MRAP2: variants seen among roughly 807,000 people sequenced by gnomAD.
MRAP2 encodes melanocortin-2 receptor accessory protein 2.
MRAP2 carries 20 observed loss-of-function variants against 17.4 expected under a neutral mutation model. That is an observed-to-expected ratio of 1.15 (90% CI 0.81 to 1.67). The LOEUF (loss-of-function observed/expected upper bound fraction) is 1.67, where lower values mean the gene tolerates loss of function less well. MRAP2 is among the 40% of genes most tolerant of loss of function. The pLI, the probability that MRAP2 is intolerant of heterozygous loss-of-function variation, is 0.00. For synonymous variants in MRAP2, 96 were observed against 88.4 expected (o/e 1.09, Z -0.48); for missense variants, 238 against 240.0 (o/e 0.99, Z 0.05).
the MRAP2 span, among the ~76,000 whole-genome samples, chr6:84,138,737 AC>A: frequency 6.6e-6 from 1 of 152,170 alleles, no homozygotes; most frequent in East Asian, 1.9e-4. Flanking sequence ...GTTAACTAAA[AC>A]TGACTTCATT....
At position 84,085,736 on chromosome 6, in the gene MRAP2, AC is replaced by A. The variant is rs2099500280; in HGVS notation, c.228-3354del. On this transcript the variant is annotated intron_variant, in intron 3 of 3. Transcript: ENST00000257776. ...ACCAAAAATGAACTCACCAGAAAAG[AC>A]ATGTCTCCAAGACAGATTGTAAATG... is the stretch of plus-strand genomic sequence containing the variant. Among the ~76,000 whole-genome samples, 5 of 152,232 alleles carry A rather than the reference AC, an allele frequency of 3.3e-5. No individual in the cohort carries two copies. The South Asian group carries it at 1.0e-3, about 31-fold the overall frequency.
the MRAP2 span, among the ~76,000 whole-genome samples, chr6:84,112,051 G>A: frequency 1.3e-5 from 2 of 152,022 alleles, no homozygotes; most frequent in South Asian, 2.1e-4. Context: ...CATGGATATC[G>A]GCCTGAAATT....
chr6:84,069,185 G>A (rs775308281), intron 3 of MRAP2, among the ~76,000 whole-genome samples: 54 of 152,028 alleles, frequency 3.6e-4, no homozygotes, highest in Non-Finnish European at 4.9e-4. Flanking sequence ...TCCAGTTCTC[G>A]GAGGGAACTT....
the MRAP2 span, among the ~76,000 whole-genome samples, chr6:84,098,434 A>G: frequency 3.3e-5 from 5 of 152,218 alleles, no homozygotes; most frequent in Non-Finnish European, 7.3e-5. Flanking sequence ...TGCTGTAAAT[A>G]TTCATTTATA....
At chr6:84,139,470 T>C in the MRAP2 span, among the ~76,000 whole-genome samples, 1 of 152,220 alleles carries the variant, frequency 6.6e-6, no homozygotes, top group Non-Finnish European at 1.5e-5. Context: ...TTTGTTACAG[T>C]GGCCTGTCCC....
chr6:84,107,736 G>T, the MRAP2 span, among the ~76,000 whole-genome samples: 1 of 152,232 alleles, frequency 6.6e-6, no homozygotes, highest in African/African-American at 2.4e-5. Context: ...CTTACCAGCT[G>T]AAAGCAAACT....
At chr6:84,060,466 G>A (rs953958544) in intron 2 of MRAP2, among the ~76,000 whole-genome samples, 1 of 152,202 alleles carries the variant, frequency 6.6e-6, no homozygotes, top group Non-Finnish European at 1.5e-5. Context: ...TTTGAAAAAT[G>A]TCAATCAACA....
the MRAP2 span, among the ~76,000 whole-genome samples, chr6:84,115,047 G>T: frequency 6.6e-6 from 1 of 152,174 alleles, no homozygotes; most frequent in African/African-American, 2.4e-5. Flanking sequence ...CAGGATAAAC[G>T]GGGGTCAGGG....
rs1262408592 is a variant in MRAP2 at position 84,090,864 on chromosome 6, T to C, written c.*1383T>C. 2 of 152,222 alleles carry C rather than the reference T, an allele frequency of 1.3e-5. No homozygotes were observed. Among genetic ancestry groups the C allele is most frequent in the African/African-American group, 4.8e-5 (2 of 41,470 alleles). The allele number at this position is 152,222 out of a possible 1,614,324, so 9.4% of individuals were successfully genotyped here. A position where few individuals can be genotyped will look rare whatever the true frequency, so the allele number is the denominator to read the frequency against. ...CACCTGTCTTGCTTAAGCTACAAAA[T>C]AAATGCATTTGACTGCACAGAAATT... On this transcript the variant is annotated 3_prime_UTR_variant, in exon 4 of 4. Coordinates refer to ENST00000257776, the MANE Select transcript of MRAP2 (RefSeq NM_138409.4).
At chr6:84,118,534 A>G in the MRAP2 span, among the ~76,000 whole-genome samples, 5 of 152,026 alleles carry the variant, frequency 3.3e-5, no homozygotes, top group African/African-American at 1.2e-4. Flanking sequence ...CATTCTGGCA[A>G]TGCAGTTGTG....
At chr6:84,121,419 A>G in the MRAP2 span, among the ~76,000 whole-genome samples, 4 of 152,124 alleles carry the variant, frequency 2.6e-5, no homozygotes. Context: ...CGAGGTGGGC[A>G]GATCACCTGA....
At chr6:84,051,102 A>G (rs564520823) in intron 1 of MRAP2, among the ~76,000 whole-genome samples, 1 of 152,342 alleles carries the variant, frequency 6.6e-6, no homozygotes, top group South Asian at 2.1e-4. Context: ...ATGGAAAAAA[A>G]GTGTCTAACT....
chr6:84,067,904 A>C (rs577711161), intron 3 of MRAP2, among the ~76,000 whole-genome samples: 2 of 151,834 alleles, frequency 1.3e-5, no homozygotes, highest in South Asian at 2.1e-4. Context: ...TTAAGTTCCA[A>C]CTATTTATCT....
intron 1 of MRAP2, among the ~76,000 whole-genome samples, chr6:84,046,182 C>A (rs2099488985): frequency 6.6e-6 from 1 of 152,116 alleles, no homozygotes; most frequent in Admixed American, 6.5e-5. Flanking sequence ...AGATAACTGT[C>A]TACAAAATGA....
chr6:84,116,317 T>G, the MRAP2 span, among the ~76,000 whole-genome samples: 1 of 152,240 alleles, frequency 6.6e-6, no homozygotes, highest in East Asian at 1.9e-4. Flanking sequence ...TACTTTCCAG[T>G]GCTGTTATCG....
At chr6:84,086,555 TA>T (rs1446618867) in intron 3 of MRAP2, among the ~76,000 whole-genome samples, 1 of 152,116 alleles carries the variant, frequency 6.6e-6, no homozygotes, top group Non-Finnish European at 1.5e-5. Context: ...AAGAAACAAA[TA>T]AAAGTCAAGT....
intron 3 of MRAP2, among the ~76,000 whole-genome samples, chr6:84,080,602 A>G (rs183860700): frequency 7.9e-5 from 12 of 152,308 alleles, no homozygotes; most frequent in Admixed American, 2.0e-4. Flanking sequence ...AGTGGCTCTC[A>G]GGCTAAGTCT....
chr6:84,072,130 T>C (rs1480059572), intron 3 of MRAP2, among the ~76,000 whole-genome samples: 1 of 152,204 alleles, frequency 6.6e-6, no homozygotes, highest in Non-Finnish European at 1.5e-5. Flanking sequence ...GTATGATTTT[T>C]AGGGGGTGTT....
intron 1 of MRAP2, among the ~76,000 whole-genome samples, chr6:84,053,268 A>G (rs1313392199): frequency 6.6e-6 from 1 of 152,166 alleles, no homozygotes; most frequent in African/African-American, 2.4e-5. Flanking sequence ...CTCTGCTATT[A>G]TAGTAGCTGT....
Sources: gnomAD v4.1 joint callset for allele counts (sites outside exome capture counted in the v4.1 genomes callset) on GRCh38, gnomAD v4.1.1 for gene constraint, MANE v1.5 for transcripts, NCBI Gene and HGNC (gene_info 2026-07-23, HGNC 2026-07-21) for gene names.